CEP112: variants seen among roughly 807,000 people sequenced by gnomAD.
CEP112 encodes centrosomal protein 112, also known as centrosomal protein of 112 kDa.
A neutral mutation model predicts 153.0 loss-of-function variants in CEP112; 127 were observed. The ratio of observed to expected loss-of-function variants is 0.83; its 90% confidence interval spans 0.72 to 0.96. CEP112 has a LOEUF of 0.96. CEP112 is among the 40% of genes least tolerant of loss of function. The pLI is 0.00. For missense variants in CEP112, 1,089 were observed against 1,101.2 expected (o/e 0.99, Z 0.16); for synonymous variants, 358 against 374.4 (o/e 0.96, Z 0.51).
chr17:65,889,646 AC>A (rs923598543), intron 20 of CEP112, among the ~76,000 whole-genome samples: 1 of 152,078 alleles, frequency 6.6e-6, no homozygotes, highest in African/African-American at 2.4e-5. Flanking sequence ...GGTATCCATT[AC>A]CCTCCATGCT....
chr17:65,805,104 TC>T (rs1368668593), intron 21 of CEP112, among the ~76,000 whole-genome samples: 2 of 152,050 alleles, frequency 1.3e-5, no homozygotes, highest in African/African-American at 4.8e-5. Flanking sequence ...CCACTTTGGC[TC>T]CCAAAGTGCT....
intron 20 of CEP112, among the ~76,000 whole-genome samples, chr17:65,877,482 G>A (rs2058877208): frequency 6.6e-6 from 1 of 152,132 alleles, no homozygotes; most frequent in Non-Finnish European, 1.5e-5. Flanking sequence ...TGCTCAAGGA[G>A]GCACCCTTTA....
In CEP112 at chr17:65,646,176, G is replaced by A. The variant is rs116153244; in HGVS notation, c.2698-5111C>T. 6.5e-3 allele frequency among the ~76,000 whole-genome samples: 994 copies of A among 152,220 alleles called. 10 individuals carry two copies. Among genetic ancestry groups the A allele is most frequent in the African/African-American group, 0.023 (937 of 41,526 alleles). ...GTGTGACTAAGGTTGCTCTTTGATCGCCATTATTCCTTCCATCACTTTTCA... is the reference window on the plus strand; with the variant it reads ...GTGTGACTAAGGTTGCTCTTTGATCACCATTATTCCTTCCATCACTTTTCA... On this transcript the variant is annotated intron_variant, in intron 24 of 26. Transcript: ENST00000535342.
intron 21 of CEP112, among the ~76,000 whole-genome samples, chr17:65,756,944 T>G (rs539658699): frequency 6.6e-6 from 1 of 152,212 alleles, no homozygotes; most frequent in South Asian, 2.1e-4. Context: ...AAACCCCAAT[T>G]TGACTGTATT....
At chr17:65,900,859 C>T (rs2059820469) in intron 20 of CEP112, among the ~76,000 whole-genome samples, 1 of 152,126 alleles carries the variant, frequency 6.6e-6, no homozygotes, top group African/African-American at 2.4e-5. Flanking sequence ...CCTAAGTATT[C>T]TCGTACCATG....
chr17:66,145,878 T>A lies in CEP112; in HGVS notation c.471-13115A>T, dbSNP rs541358175. ...GTTTTTAACATGGATGAGTGTTGCA[T>A]CTTGTTATATGCTTTTTCTGTATCT... On this transcript the variant is annotated intron_variant, in intron 4 of 26. Transcript: ENST00000535342. Among the ~76,000 whole-genome samples, 122 of 152,200 alleles carry A rather than the reference T, an allele frequency of 8.0e-4. 1 individual carries two copies. The highest frequency in any genetic ancestry group is 2.6e-3 in the African/African-American group (109 of 41,564).
chr17:65,730,359 T>C (rs942340357), intron 23 of CEP112, among the ~76,000 whole-genome samples: 1 of 152,182 alleles, frequency 6.6e-6, no homozygotes, highest in African/African-American at 2.4e-5. Flanking sequence ...CCACAGCATA[T>C]CCAAGCCTAT....
intron 20 of CEP112, among the ~76,000 whole-genome samples, chr17:65,889,424 T>A (rs1032091684): frequency 2.0e-5 from 3 of 152,170 alleles, no homozygotes; most frequent in African/African-American, 7.2e-5. Flanking sequence ...CATTCCAAAT[T>A]CTCACAATAA....
At chr17:65,710,004 G>T (rs559500677) in intron 23 of CEP112, among the ~76,000 whole-genome samples, 2 of 152,302 alleles carry the variant, frequency 1.3e-5, no homozygotes, top group East Asian at 3.9e-4. Flanking sequence ...TGCTCTGAGA[G>T]CCAGCAGCGT....
At chr17:66,072,795 C>T (rs2067351763) in intron 8 of CEP112, among the ~76,000 whole-genome samples, 1 of 152,070 alleles carries the variant, frequency 6.6e-6, no homozygotes, top group Admixed American at 6.6e-5. Context: ...CTACAGAATA[C>T]CTCTATATTT....
At chr17:65,859,439 C>CAAAA (rs57675567) in intron 20 of CEP112, among the ~76,000 whole-genome samples, 18 of 93,364 alleles carry the variant, frequency 1.9e-4, no homozygotes, top group East Asian at 3.0e-4. Context: ...GACTCCATCT[C>CAAAA]AAAAAAAAAA....
At chr17:65,696,188 T>G (rs2094770055) in intron 23 of CEP112, among the ~76,000 whole-genome samples, 1 of 152,184 alleles carries the variant, frequency 6.6e-6, no homozygotes, top group African/African-American at 2.4e-5. Flanking sequence ...CTCATTGAGT[T>G]GAAATTTAAT....
At chr17:65,637,069 C>G (rs1171546361) in intron 26 of CEP112, 55 bp downstream of exon 26, 9 of 1,335,254 alleles carry the variant, frequency 6.7e-6, no homozygotes, top group Non-Finnish European at 9.7e-6. Context: ...AGGAGGCTCA[C>G]AGGTGACACA....
At chr17:66,078,204 CCTCTATTCTG>C (rs1006198766) in intron 8 of CEP112, among the ~76,000 whole-genome samples, 5 of 150,922 alleles carry the variant, frequency 3.3e-5, no homozygotes, top group African/African-American at 1.2e-4. Context: ...ATTTCTAGGT[CCTCTATTCTG>C]CTCTATTCTG....
At chr17:66,041,274 T>G (rs767261652) in intron 12 of CEP112, among the ~76,000 whole-genome samples, 2 of 152,126 alleles carry the variant, frequency 1.3e-5, no homozygotes, top group African/African-American at 2.4e-5. Context: ...AATTAAAATT[T>G]TTGTCAAACA....
intron 20 of CEP112, among the ~76,000 whole-genome samples, chr17:65,882,840 T>C (rs957941851): frequency 3.9e-5 from 6 of 152,100 alleles, no homozygotes; most frequent in Non-Finnish European, 7.4e-5. Context: ...ACCAAAACAC[T>C]AAAACAAGTT....
In CEP112 at chr17:65,648,315, C is replaced by G. The variant is rs538650019; in HGVS notation, c.2698-7250G>C. 1.3e-3 allele frequency among the ~76,000 whole-genome samples: 196 copies of G among 152,304 alleles called. 1 individual carries two copies. The highest frequency in any genetic ancestry group is 2.3e-3 in the Non-Finnish European group (156 of 68,040). On this transcript the variant is annotated intron_variant, in intron 24 of 26. Transcript: ENST00000535342. Reference sequence around the variant, plus strand: ...ATAAAATTAGGAAACTCACTCAGGACATTGTGATAATGACATTTCTATAAC... The same window carrying G: ...ATAAAATTAGGAAACTCACTCAGGAGATTGTGATAATGACATTTCTATAAC...
intron 16 of CEP112, among the ~76,000 whole-genome samples, chr17:66,015,610 T>G (rs899564862): frequency 4.6e-5 from 7 of 152,234 alleles, no homozygotes; most frequent in African/African-American, 1.7e-4. Context: ...GTTTCTCTAT[T>G]GTTTTATGAC....
At chr17:65,712,936 C>G (rs982838653) in intron 23 of CEP112, among the ~76,000 whole-genome samples, 1 of 152,068 alleles carries the variant, frequency 6.6e-6, no homozygotes, top group Non-Finnish European at 1.5e-5. Context: ...GCAAAATTGG[C>G]TAATGTTGGG....
Sources: gnomAD v4.1 joint callset for allele counts (sites outside exome capture counted in the v4.1 genomes callset) on GRCh38, gnomAD v4.1.1 for gene constraint, MANE v1.5 for transcripts, NCBI Gene and HGNC (gene_info 2026-07-23, HGNC 2026-07-21) for gene names.